Variants in WLS observed in about 807,000 individuals in gnomAD.
WLS encodes the protein protein wntless homolog.
WLS carries 23 observed loss-of-function variants against 62.8 expected under a neutral mutation model. That is an observed-to-expected ratio of 0.37 (90% confidence interval 0.26 to 0.52). WLS has a LOEUF of 0.52. Ranked by LOEUF, WLS falls within the 20% of genes least tolerant of loss-of-function variation. The pLI is 0.92. For missense variants in WLS, 615 were observed against 697.3 expected (o/e 0.88, Z 1.33); for synonymous variants, 246 against 244.1 (o/e 1.01, Z -0.07).
intron 1 of WLS, among the ~76,000 whole-genome samples, chr1:68,218,469 C>A (rs1357374725): frequency 6.6e-6 from 1 of 152,056 alleles, no homozygotes; most frequent in Admixed American, 6.6e-5. Flanking sequence ...CTCCAAAGAA[C>A]CCTGGGTGGG....
intron 2 of WLS, among the ~76,000 whole-genome samples, chr1:68,163,964 T>C (rs1647024178): frequency 6.6e-6 from 1 of 152,082 alleles, no homozygotes. Context: ...GGCTTAAAGC[T>C]GACATGGCAG....
At chr1:68,152,747 A>T (rs986832163) in intron 5 of WLS, among the ~76,000 whole-genome samples, 1 of 152,156 alleles carries the variant, frequency 6.6e-6, no homozygotes. Context: ...TTCAGGGGGA[A>T]GTGGGAAATG....
At chr1:68,165,118 G>A (rs1366121227) in intron 2 of WLS, among the ~76,000 whole-genome samples, 1 of 152,100 alleles carries the variant, frequency 6.6e-6, no homozygotes, top group Non-Finnish European at 1.5e-5. Context: ...TGTTGAAAAG[G>A]GTGCTTGGAG....
At chr1:68,147,157 A>G (rs1038275025) in intron 8 of WLS, among the ~76,000 whole-genome samples, 1 of 152,192 alleles carries the variant, frequency 6.6e-6, no homozygotes, top group African/African-American at 2.4e-5. Flanking sequence ...TATAATGAAC[A>G]TCATCCTGGA....
intron 1 of WLS, among the ~76,000 whole-genome samples, chr1:68,197,130 G>A (rs2039154): frequency 0.34 from 50,950 of 151,610 alleles, 8,775 homozygotes; most frequent in Middle Eastern, 0.42. Context: ...CACTTCTCAG[G>A]CCAAAACGAA....
intron 11 of WLS, among the ~76,000 whole-genome samples, chr1:68,131,612 C>T (rs540199245): frequency 1.3e-5 from 2 of 152,144 alleles, no homozygotes; most frequent in East Asian, 3.9e-4. Flanking sequence ...GCAGTAACTG[C>T]AAGTGGGAGA....
intron 1 of WLS, among the ~76,000 whole-genome samples, chr1:68,221,037 A>C (rs1485754937): frequency 6.6e-6 from 1 of 152,256 alleles, no homozygotes; most frequent in African/African-American, 2.4e-5. Context: ...AAACAGAAAC[A>C]AATGCTAATT....
At chr1:68,125,295 C>T (rs1358145594), downstream of WLS, 1 of 980,404 alleles carries the variant, frequency 1.0e-6, no homozygotes, top group African/African-American at 1.8e-5. Context: ...TTTTCAGAAA[C>T]CTATTTCCCC....
At chr1:68,211,235 T>C (rs936655183) in intron 1 of WLS, among the ~76,000 whole-genome samples, 29 of 151,802 alleles carry the variant, frequency 1.9e-4, no homozygotes, top group Non-Finnish European at 3.7e-4. Context: ...ACCGACTACA[T>C]TGTAAATTTG....
At chr1:68,133,594 G>A (rs1264321845) in intron 11 of WLS, among the ~76,000 whole-genome samples, 1 of 152,166 alleles carries the variant, frequency 6.6e-6, no homozygotes, top group East Asian at 1.9e-4. Flanking sequence ...TGGTTCATTT[G>A]TAAAGGGTCA....
intron 11 of WLS, among the ~76,000 whole-genome samples, chr1:68,104,457 A>T (rs1646118846): frequency 6.6e-6 from 1 of 152,266 alleles, no homozygotes; most frequent in Admixed American, 6.5e-5. Flanking sequence ...TGAGCTCTAC[A>T]ATCAGTGAAA....
At chr1:68,148,088 G>T in intron 8 of WLS, 48 bp downstream of exon 8, 1 of 1,597,684 alleles carries the variant, frequency 6.3e-7, no homozygotes, top group African/African-American at 1.3e-5. Context: ...TTGGGGACTG[G>T]GTGGCCAGGG....
intron 2 of WLS, among the ~76,000 whole-genome samples, chr1:68,191,497 T>C (rs980183303): frequency 6.6e-6 from 1 of 152,224 alleles, no homozygotes; most frequent in Admixed American, 6.5e-5. Flanking sequence ...TGTGTATTCT[T>C]ATTATAGCAC....
At chr1:68,162,632 G>T in intron 2 of WLS, 2 of 1,264,840 alleles carry the variant, frequency 1.6e-6, no homozygotes, top group Non-Finnish European at 2.3e-6. Flanking sequence ...CGCAGTGCTT[G>T]GTACAGCCAT....
intron 2 of WLS, among the ~76,000 whole-genome samples, chr1:68,190,478 C>T (rs770310058): frequency 4.6e-5 from 7 of 152,328 alleles, no homozygotes; most frequent in South Asian, 2.1e-4. Context: ...CAAGATTCAG[C>T]GGTTTCCCTC....
chr1:68,138,025 A>T, intron 10 of WLS, 92 bp from the exon 11 acceptor site: 2 of 1,479,058 alleles, frequency 1.4e-6, no homozygotes, highest in South Asian at 1.3e-5. Flanking sequence ...ATGAAAACCA[A>T]GTCTCTTCTA....
chr1:68,186,705 T>G (rs1184434113), intron 2 of WLS: 1 of 455,350 alleles, frequency 2.2e-6, no homozygotes, highest in Non-Finnish European at 4.4e-6. Context: ...GAGAGTCTCA[T>G]GCATTCTTAA....
Position 68,155,223 on chromosome 1 carries a change from A to G in WLS, c.542T>C (p.Val181Ala). 2 of 1,613,880 alleles carry G rather than the reference A, an allele frequency of 1.2e-6. No individual in the cohort carries two copies. The highest frequency in any genetic ancestry group is 1.7e-6 in the Non-Finnish European group (2 of 1,179,884). The change falls in exon 4 of 12, where the codon GTC (valine) becomes GCC (alanine). Residue 181 changes from valine to alanine, a missense_variant. Val to Ala is a moderately conservative substitution (Grantham distance 64). Transcript: ENST00000262348. The part of the protein sequence containing the change: ...EHEGRYYECD[V>A]LPFMEIGSVA... ...AGACCCAATTTCCATGAAAGGAAGG[A>G]CATCACATTCATAGTAACGGCCCTC... is the stretch of plus-strand genomic sequence containing the variant.
chr1:68,149,908 C>A (rs1402954941), intron 6 of WLS, among the ~76,000 whole-genome samples: 1 of 152,164 alleles, frequency 6.6e-6, no homozygotes, highest in African/African-American at 2.4e-5. Flanking sequence ...TCATTTAATT[C>A]TCATGAAAAC....
Sources: allele counts gnomAD v4.1 joint callset (sites outside exome capture counted in the v4.1 genomes callset), GRCh38; gene constraint gnomAD v4.1.1; transcripts MANE v1.5; gene names NCBI Gene and HGNC (gene_info 2026-07-23, HGNC 2026-07-21).